Variants in UGT1A8 observed in about 807,000 individuals in gnomAD.
UGT1A8 encodes the protein UDP glucuronosyltransferase family 1 member A8, also known as UDP-glucuronosyltransferase 1A8.
In UGT1A8, 39 loss-of-function variants were observed where a neutral mutation model predicts 45.3. The ratio of observed to expected loss-of-function variants is 0.86; its 90% confidence interval spans 0.67 to 1.12. The LOEUF (loss-of-function observed/expected upper bound fraction) is 1.12, where lower values mean the gene tolerates loss of function less well. Ranked by LOEUF, UGT1A8 falls within the 50% of genes most tolerant of loss-of-function variation. The pLI is 0.00. For missense variants in UGT1A8, 719 were observed against 664.9 expected (o/e 1.08, Z -0.90); for synonymous variants, 275 against 249.2 (o/e 1.10, Z -0.97).
intron 1 of UGT1A8, among the ~76,000 whole-genome samples, chr2:233,670,890 A>G (rs1280582998): frequency 1.3e-5 from 2 of 152,198 alleles, no homozygotes; most frequent in Non-Finnish European, 2.9e-5. Context: ...CCAATCCAGA[A>G]AAAGTGTTCT....
At chr2:233,736,685 C>G (rs1295548714) in intron 1 of UGT1A8, among the ~76,000 whole-genome samples, 6 of 152,124 alleles carry the variant, frequency 3.9e-5, no homozygotes, top group African/African-American at 1.4e-4. Flanking sequence ...TGTTGGTGAC[C>G]TACAGATGGG....
At chr2:233,683,694 C>T (rs527656893) in intron 1 of UGT1A8, among the ~76,000 whole-genome samples, 2 of 152,180 alleles carry the variant, frequency 1.3e-5, no homozygotes, top group Non-Finnish European at 2.9e-5. Flanking sequence ...CTCTGCATTT[C>T]ATTATTTTTG....
intron 1 of UGT1A8, among the ~76,000 whole-genome samples, chr2:233,765,584 C>A (rs1030389138): frequency 6.6e-6 from 1 of 151,846 alleles, no homozygotes; most frequent in African/African-American, 2.4e-5. Context: ...GGGAGGGGAA[C>A]AACACACACC....
chr2:233,742,319 G>A (rs1288703999), intron 1 of UGT1A8, among the ~76,000 whole-genome samples: 1 of 151,924 alleles, frequency 6.6e-6, no homozygotes, highest in African/African-American at 2.4e-5. Flanking sequence ...TATTCCTTAC[G>A]GGAAACAAAG....
intron 1 of UGT1A8, among the ~76,000 whole-genome samples, chr2:233,652,128 G>A (rs2073757874): frequency 1.3e-5 from 2 of 152,196 alleles, no homozygotes; most frequent in South Asian, 2.1e-4. Context: ...GGAGAACTGG[G>A]GATGGGAGGT....
At chr2:233,717,613 A>C (rs998519106) in intron 1 of UGT1A8, among the ~76,000 whole-genome samples, 1 of 152,256 alleles carries the variant, frequency 6.6e-6, no homozygotes, top group African/African-American at 2.4e-5. Flanking sequence ...GGCACAGCCC[A>C]GAGAGCCTGC....
intron 1 of UGT1A8, chr2:233,754,687 C>T: frequency 2.1e-6 from 1 of 485,706 alleles, no homozygotes; most frequent in South Asian, 1.5e-5. Context: ...TCAACTATTT[C>T]AGTGGAAGTC....
intron 1 of UGT1A8, chr2:233,682,378 C>T (rs763404567): frequency 7.4e-6 from 12 of 1,613,940 alleles, no homozygotes; most frequent in South Asian, 1.1e-5. Flanking sequence ...CAGTGTTTCT[C>T]GATCCTTTTG....
At chr2:233,628,715 T>C (rs1424363350) in intron 1 of UGT1A8, among the ~76,000 whole-genome samples, 1 of 152,126 alleles carries the variant, frequency 6.6e-6, no homozygotes, top group African/African-American at 2.4e-5. Flanking sequence ...GCATTCAGTC[T>C]TTCACCATCA....
Position 233,743,773 on chromosome 2 carries a change from C to G in UGT1A8, c.856-23261C>G, listed in dbSNP as rs367921172. 3 of 1,367,248 alleles carry G rather than the reference C, an allele frequency of 2.2e-6. No homozygotes were observed. In the East Asian group the frequency reaches 1.4e-4, roughly 62 times the overall value. The allele number at this position is 1,367,248 out of a possible 1,614,324, so 84.7% of individuals were successfully genotyped here. A position where few individuals can be genotyped will look rare whatever the true frequency, so the allele number is the denominator to read the frequency against. On this transcript the variant is annotated intron_variant, in intron 1 of 4. Coordinates refer to ENST00000373450, the MANE Select transcript of UGT1A8 (RefSeq NM_019076.5). ...ACAACACCTCGTAGGCCTCGGCCACCTGCTTGAATCTCCTCTCCGCTTCCT... is the reference window on the plus strand; with the variant it reads ...ACAACACCTCGTAGGCCTCGGCCACGTGCTTGAATCTCCTCTCCGCTTCCT...
intron 1 of UGT1A8, among the ~76,000 whole-genome samples, chr2:233,696,657 C>A (rs2125568532): frequency 6.6e-6 from 1 of 152,248 alleles, no homozygotes; most frequent in Admixed American, 6.5e-5. Context: ...ACTTCCAGTA[C>A]TATGAAGAAT....
At chr2:233,693,015 T>C in intron 1 of UGT1A8, 2 of 1,614,174 alleles carry the variant, frequency 1.2e-6, no homozygotes, top group Non-Finnish European at 1.7e-6. Flanking sequence ...ATGGCCTGCC[T>C]CCTTCGCTCA....
chr2:233,667,724 T>G (rs958398793), intron 1 of UGT1A8, among the ~76,000 whole-genome samples: 7 of 152,166 alleles, frequency 4.6e-5, no homozygotes, highest in Non-Finnish European at 7.4e-5. Flanking sequence ...GGGTGAAGGA[T>G]ATGAACAGAC....
chr2:233,754,982 G>A (rs777457239), intron 1 of UGT1A8: 2 of 1,295,872 alleles, frequency 1.5e-6, no homozygotes, highest in African/African-American at 3.0e-5. Flanking sequence ...AGACCTCGGC[G>A]GGGTCACGGA....
chr2:233,699,787 C>T (rs1396107270), intron 1 of UGT1A8, among the ~76,000 whole-genome samples: 1 of 152,204 alleles, frequency 6.6e-6, no homozygotes, highest in South Asian at 2.1e-4. Flanking sequence ...CAAGTTTCCT[C>T]CTCTCATATT....
intron 1 of UGT1A8, among the ~76,000 whole-genome samples, chr2:233,635,900 C>G (rs1162463062): frequency 6.6e-6 from 1 of 150,938 alleles, no homozygotes; most frequent in Non-Finnish European, 1.5e-5. Context: ...CACTTTCCAT[C>G]AAGTCCCTGG....
intron 1 of UGT1A8, among the ~76,000 whole-genome samples, chr2:233,719,930 G>C (rs904855): frequency 0.08 from 12,193 of 152,230 alleles, 624 homozygotes; most frequent in East Asian, 0.2. Flanking sequence ...CTCACGGACA[G>C]TGTTTGTAAA....
chr2:233,640,769 T>C (rs2073430100), intron 1 of UGT1A8, among the ~76,000 whole-genome samples: 1 of 152,118 alleles, frequency 6.6e-6, no homozygotes, highest in Non-Finnish European at 1.5e-5. Flanking sequence ...TAGGGCCAAC[T>C]CTATACCCTT....
At chr2:233,666,087 C>A (rs2074070661) in intron 1 of UGT1A8, among the ~76,000 whole-genome samples, 1 of 152,240 alleles carries the variant, frequency 6.6e-6, no homozygotes. Context: ...GAGACTCAGG[C>A]TACTTCCACT....
Sources: gnomAD v4.1 joint callset for allele counts (sites outside exome capture counted in the v4.1 genomes callset) on GRCh38, gnomAD v4.1.1 for gene constraint, MANE v1.5 for transcripts, NCBI Gene and HGNC (gene_info 2026-07-23, HGNC 2026-07-21) for gene names.